Variants in SH3BGR observed in about 807,000 individuals in gnomAD.
SH3BGR encodes SH3 domain binding glutamate rich protein.
Under a neutral mutation model 24.5 loss-of-function variants are expected in SH3BGR, and 29 were observed. The ratio of observed to expected loss-of-function variants is 1.18; its 90% CI spans 0.88 to 1.61. The LOEUF is 1.61. SH3BGR is among the 40% of genes most tolerant of loss of function. The pLI is 0.00. For synonymous variants in SH3BGR, 55 were observed against 65.7 expected, an observed-to-expected ratio of 0.84 and a Z score of 0.79; for missense variants, 162 against 205.8, an observed-to-expected ratio of 0.79 and a Z score of 1.30.
intron 3 of SH3BGR, among the ~76,000 whole-genome samples, chr21:39,482,871 T>C (rs2078153838): frequency 6.6e-6 from 1 of 152,140 alleles, no homozygotes; most frequent in African/African-American, 2.4e-5. Context: ...GGTTTCACCA[T>C]GTTGGCCAGG....
At chr21:39,467,425 T>C (rs2077862526) in intron 2 of SH3BGR, among the ~76,000 whole-genome samples, 2 of 152,302 alleles carry the variant, frequency 1.3e-5, no homozygotes, top group Middle Eastern at 3.4e-3. Flanking sequence ...TTCAGAGAAG[T>C]ATTTGTAGTT....
At chr21:39,479,438 G>A (rs965607576) in intron 3 of SH3BGR, among the ~76,000 whole-genome samples, 4 of 149,720 alleles carry the variant, frequency 2.7e-5, no homozygotes, top group African/African-American at 1.0e-4. Flanking sequence ...GTGGGTGATG[G>A]TGGTGGTGAT....
chr21:39,486,054 T>G (rs2078208346), intron 3 of SH3BGR, among the ~76,000 whole-genome samples: 1 of 152,176 alleles, frequency 6.6e-6, no homozygotes, highest in African/African-American at 2.4e-5. Context: ...ATATAACCCT[T>G]TACTGTGGGG....
At chr21:39,454,674 C>G (rs1256824730) in intron 1 of SH3BGR, among the ~76,000 whole-genome samples, 1 of 152,204 alleles carries the variant, frequency 6.6e-6, no homozygotes, top group Non-Finnish European at 1.5e-5. Context: ...CTTCACAGTC[C>G]TTTCTCCATT....
At chr21:39,457,142 A>C (rs975934) in intron 1 of SH3BGR, among the ~76,000 whole-genome samples, 125,640 of 145,288 alleles carry the variant, frequency 0.86, 54,469 homozygotes, top group Non-Finnish European at 0.9. Context: ...ACCATCAAGA[A>C]CAAATTATAT....
intron 2 of SH3BGR, among the ~76,000 whole-genome samples, chr21:39,473,149 A>G (rs1163138580): frequency 6.6e-6 from 1 of 152,200 alleles, no homozygotes; most frequent in Non-Finnish European, 1.5e-5. Flanking sequence ...GTCAAAGATA[A>G]TGATGAATTG....
chr21:39,510,365 T>TACGCGCACACAC (rs1555915353), intron 5 of SH3BGR, among the ~76,000 whole-genome samples: 4 of 115,772 alleles, frequency 3.5e-5, no homozygotes, highest in Admixed American at 8.6e-5. Flanking sequence ...TGTAGCTACA[T>TACGCGCACACAC]ACACACACAC....
At position 39,511,867 on chromosome 21, in the gene SH3BGR, C is replaced by T. The variant is rs368804014; in HGVS notation, c.*34+58C>T. ...TAGTTACCGTACTGTATGCTATCTG[C>T]GGCACATTTTGCTTAGTAACAGGAG... On this transcript the variant is annotated intron_variant, in intron 6 of 6. Transcript: ENST00000333634. The surrounding 1 kb of genome is among the most constrained non-coding windows in gnomAD (Gnocchi z 4.2). 2.3e-4 allele frequency: 331 copies of T among 1,469,742 alleles called. 1 individual carries two copies. The African/African-American group carries it at 2.5e-3, about 11-fold the overall frequency. 91.0% of individuals were successfully genotyped at this position (1,469,742 alleles called of 1,614,324 possible).
chr21:39,513,282 C>A (rs2078728401), intron 6 of SH3BGR, among the ~76,000 whole-genome samples: 1 of 152,098 alleles, frequency 6.6e-6, no homozygotes. Context: ...AGAATTGGTG[C>A]ATGTACAAAG....
At chr21:39,478,776 C>T (rs1419316406) in intron 3 of SH3BGR, among the ~76,000 whole-genome samples, 1 of 152,014 alleles carries the variant, frequency 6.6e-6, no homozygotes, top group Non-Finnish European at 1.5e-5. Flanking sequence ...TATCTTCCCT[C>T]TATTGGTAGT....
intron 5 of SH3BGR, 105 bp downstream of exon 5, chr21:39,509,132 C>T (rs1478116714): frequency 2.0e-5 from 16 of 809,002 alleles, no homozygotes; most frequent in South Asian, 5.5e-5. Flanking sequence ...CATAAGAGAG[C>T]GATGCAACCC....
chr21:39,446,954 A>T (rs1336399732), intron 1 of SH3BGR: 1 of 152,042 alleles, frequency 6.6e-6, no homozygotes, highest in Non-Finnish European at 1.5e-5. Flanking sequence ...AATTGACTTT[A>T]ATCCTACTTT....
At chr21:39,478,455 A>G (rs531425701) in intron 3 of SH3BGR, among the ~76,000 whole-genome samples, 5 of 152,272 alleles carry the variant, frequency 3.3e-5, no homozygotes, top group Non-Finnish European at 7.4e-5. Context: ...GGGAGATTTT[A>G]GGGTCCAATT....
At chr21:39,457,362 CTT>C (rs1273246635) in intron 1 of SH3BGR, among the ~76,000 whole-genome samples, 1 of 139,876 alleles carries the variant, frequency 7.1e-6, no homozygotes, top group Admixed American at 7.3e-5. Flanking sequence ...ATCTATAAAT[CTT>C]ATATATAAGA....
chr21:39,448,638 CA>C (rs1246413892), upstream of SH3BGR, among the ~76,000 whole-genome samples: 10 of 152,096 alleles, frequency 6.6e-5, no homozygotes, highest in Non-Finnish European at 8.8e-5. Flanking sequence ...GAGCTGAGAT[CA>C]AGCCACTGCA....
At chr21:39,506,524 G>A (rs140082376) in intron 4 of SH3BGR, among the ~76,000 whole-genome samples, 6,996 of 152,236 alleles carry the variant, frequency 0.046, 307 homozygotes, top group African/African-American at 0.11. Flanking sequence ...TCCACATGGC[G>A]GGGGAGGCCT....
intron 4 of SH3BGR, among the ~76,000 whole-genome samples, chr21:39,502,170 CA>C (rs199561551): frequency 6.6e-5 from 10 of 151,428 alleles, no homozygotes; most frequent in African/African-American, 2.4e-4. Context: ...AAGACCATCT[CA>C]AAAAAAAATT....
intron 4 of SH3BGR, among the ~76,000 whole-genome samples, chr21:39,507,027 A>G (rs1180194980): frequency 6.6e-6 from 1 of 152,204 alleles, no homozygotes; most frequent in Non-Finnish European, 1.5e-5. Flanking sequence ...GGCACGATCA[A>G]CACGTCGCTG....
At position 39,462,549 on chromosome 21, in the gene SH3BGR, C is replaced by T. The variant is rs745798146; in HGVS notation, c.220C>T (p.Gln74Ter). The T allele has an allele frequency of 1.9e-6, 3 of 1,589,656 alleles. No individual in the cohort carries two copies. The highest frequency in any genetic ancestry group is 2.6e-6 in the Non-Finnish European group (3 of 1,173,548). ...PLPPQIFNEE[Q>*]YCGDFDSFFS... is the part of the protein sequence containing the mutation. ...GCCTCCCCAGATCTTCAATGAGGAG[C>T]AGTACTGTGGGGTGAGTATGTGCTT... Residue 74 changes from glutamine to a stop codon, truncating the protein, a stop_gained, in exon 2 of 7, where the codon CAG becomes TAG. Transcript: ENST00000333634. LOFTEE classifies it high-confidence loss of function.
Sources: gnomAD v4.1 joint callset for allele counts (sites outside exome capture counted in the v4.1 genomes callset) on GRCh38, gnomAD v4.1.1 for gene constraint, Gnocchi (gnomAD v3.1) non-coding constraint, MANE v1.5 for transcripts, NCBI Gene and HGNC (gene_info 2026-07-23, HGNC 2026-07-21) for gene names.